CDK14: variants seen among roughly 807,000 people sequenced by gnomAD.
CDK14 encodes the protein cyclin dependent kinase 14, also known as cyclin-dependent kinase 14.
In CDK14, 34 loss-of-function variants were observed where a neutral mutation model predicts 60.7. The observed-to-expected ratio is 0.56, with a 90% CI of 0.43 to 0.75. The LOEUF is 0.75. Ranked by LOEUF, CDK14 falls within the 30% of genes least tolerant of loss-of-function variation. The probability of loss-of-function intolerance (pLI) is 0.00; values close to 1 mark genes in which losing one functional copy is unlikely to be tolerated. For missense variants in CDK14, 482 were observed against 564.1 expected, an observed-to-expected ratio of 0.85 and a Z score of 1.47; for synonymous variants, 197 against 203.7, an observed-to-expected ratio of 0.97 and a Z score of 0.28.
chr7:90,823,810 T>C (rs774106349), intron 5 of CDK14, among the ~76,000 whole-genome samples: 7 of 152,172 alleles, frequency 4.6e-5, no homozygotes, highest in Non-Finnish European at 1.0e-4. Context: ...GTTACTGCCA[T>C]TGTGACATGG....
intron 2 of CDK14, among the ~76,000 whole-genome samples, chr7:90,613,863 G>A (rs1375010552): frequency 6.6e-6 from 1 of 151,992 alleles, no homozygotes; most frequent in Non-Finnish European, 1.5e-5. Flanking sequence ...TATATTGCTG[G>A]GTTGTGATTG....
chr7:90,672,507 T>TC, intron 2 of CDK14, among the ~76,000 whole-genome samples: 1 of 23,442 alleles, frequency 4.3e-5, no homozygotes, highest in Non-Finnish European at 8.0e-5. Context: ...CTTCTGTTTT[T>TC]TTTTTTTTTT....
At chr7:90,919,280 C>G (rs2117425445) in intron 8 of CDK14, among the ~76,000 whole-genome samples, 1 of 152,132 alleles carries the variant, frequency 6.6e-6, no homozygotes, top group Non-Finnish European at 1.5e-5. Flanking sequence ...TTATAAAAAG[C>G]ATTTTTATAA....
intron 8 of CDK14, among the ~76,000 whole-genome samples, chr7:90,939,212 A>T (rs1793841794): frequency 1.3e-5 from 2 of 152,232 alleles, no homozygotes; most frequent in Admixed American, 1.3e-4. Flanking sequence ...ATTGGAGAAG[A>T]TAAAGGTATT....
At chr7:91,071,459 C>G (rs1157577615) in intron 11 of CDK14, among the ~76,000 whole-genome samples, 3 of 152,184 alleles carry the variant, frequency 2.0e-5, no homozygotes, top group African/African-American at 7.2e-5. Flanking sequence ...CCCCCCCAGC[C>G]AAGGGAGGCA....
At chr7:91,026,651 C>T (rs1372991147) in intron 10 of CDK14, among the ~76,000 whole-genome samples, 1 of 152,184 alleles carries the variant, frequency 6.6e-6, no homozygotes, top group East Asian at 1.9e-4. Flanking sequence ...CGTCTCTCCC[C>T]TCCCTCACCA....
At chr7:90,785,330 G>A (rs1263572015) in intron 4 of CDK14, among the ~76,000 whole-genome samples, 1 of 152,140 alleles carries the variant, frequency 6.6e-6, no homozygotes, top group Non-Finnish European at 1.5e-5. Flanking sequence ...TTAATTTGAA[G>A]TAACTAATGG....
intron 7 of CDK14, among the ~76,000 whole-genome samples, chr7:90,903,258 C>T (rs193172976): frequency 1.6e-4 from 25 of 152,084 alleles, no homozygotes; most frequent in Non-Finnish European, 3.5e-4. Context: ...GAAATTTCTG[C>T]ACCACCATGT....
At chr7:90,670,746 C>T (rs1003757265) in intron 2 of CDK14, among the ~76,000 whole-genome samples, 3 of 152,060 alleles carry the variant, frequency 2.0e-5, no homozygotes, top group African/African-American at 7.2e-5. Flanking sequence ...GAATCCACCC[C>T]GCGACCCAAA....
intron 14 of CDK14, among the ~76,000 whole-genome samples, chr7:91,184,627 A>G (rs1802113781): frequency 6.6e-6 from 1 of 152,210 alleles, no homozygotes; most frequent in Admixed American, 6.5e-5. Flanking sequence ...AGTCGCTGAG[A>G]ACAATATTAG....
chr7:90,692,762 T>G (rs1177037685), intron 2 of CDK14: 4 of 630,788 alleles, frequency 6.3e-6, no homozygotes, highest in Admixed American at 6.3e-5. Flanking sequence ...TATTGTTATA[T>G]TTGCTAAAAT....
chr7:90,692,171 C>T (rs1377670768), intron 2 of CDK14, among the ~76,000 whole-genome samples: 1 of 152,128 alleles, frequency 6.6e-6, no homozygotes, highest in Non-Finnish European at 1.5e-5. Context: ...ATTTGACAAC[C>T]AGTATTTCTA....
chr7:91,016,532 A>G (rs769639322), intron 10 of CDK14, among the ~76,000 whole-genome samples: 10 of 152,198 alleles, frequency 6.6e-5, no homozygotes, highest in Non-Finnish European at 1.5e-4. Context: ...AAAGTGAGTT[A>G]TGCATTTTAA....
At chr7:91,045,078 T>C (rs1474996374) in intron 10 of CDK14, among the ~76,000 whole-genome samples, 1 of 152,182 alleles carries the variant, frequency 6.6e-6, no homozygotes, top group Non-Finnish European at 1.5e-5. Context: ...GGATTTGAAC[T>C]CAAGGTGTCT....
In CDK14 at chr7:91,163,709, CT is replaced by C. The variant is rs146448420; in HGVS notation, c.*29-43454del. On this transcript the variant is annotated intron_variant, in intron 14 of 14. Coordinates refer to ENST00000380050, the MANE Select transcript of CDK14 (RefSeq NM_001287135.2). ...GCAGTAGATCTCAAAACTTATTTCT[CT>C]TGTCCAGTTGAAACTTTATACCCTT... is the stretch of plus-strand genomic sequence containing the variant. 2.2e-3 allele frequency among the ~76,000 whole-genome samples: 330 copies of C among 152,242 alleles called. 1 individual carries two copies. The highest frequency in any genetic ancestry group is 3.8e-3 in the Non-Finnish European group (258 of 68,012).
chr7:90,688,492 A>T (rs540005596), intron 2 of CDK14, among the ~76,000 whole-genome samples: 7 of 152,178 alleles, frequency 4.6e-5, no homozygotes, highest in Admixed American at 6.5e-5. Flanking sequence ...TCTCTTTTTT[A>T]AAAAATTGTT....
chr7:90,811,129 G>A (rs1038261689), intron 5 of CDK14, among the ~76,000 whole-genome samples: 2 of 151,998 alleles, frequency 1.3e-5, no homozygotes, highest in African/African-American at 4.8e-5. Context: ...TAAAGTTTAT[G>A]TGGAACCAAA....
chr7:91,134,457 C>G (rs1287364058), intron 14 of CDK14, among the ~76,000 whole-genome samples: 1 of 151,770 alleles, frequency 6.6e-6, no homozygotes, highest in African/African-American at 2.4e-5. Flanking sequence ...GATTCTTGAC[C>G]TTATATATTT....
In CDK14 at chr7:90,909,041, T is replaced by C. The variant is rs116286823; in HGVS notation, c.703-8560T>C. 7.8e-3 allele frequency among the ~76,000 whole-genome samples: 1,189 copies of C among 152,246 alleles called. 12 individuals are homozygous for C. The highest frequency in any genetic ancestry group is 0.026 in the African/African-American group (1,096 of 41,556). On this transcript the variant is annotated intron_variant, in intron 7 of 14. Coordinates refer to ENST00000380050, the MANE Select transcript of CDK14 (RefSeq NM_001287135.2). Reference sequence around the variant, plus strand: ...CTTTAGTCAGAAAAACCATTTAAACTCTGAATATTGATTCGTTTTCATTTT... The same window carrying C: ...CTTTAGTCAGAAAAACCATTTAAACCCTGAATATTGATTCGTTTTCATTTT...
Sources: gnomAD v4.1 joint callset for allele counts (sites outside exome capture counted in the v4.1 genomes callset) on GRCh38, gnomAD v4.1.1 for gene constraint, MANE v1.5 for transcripts, NCBI Gene and HGNC (gene_info 2026-07-23, HGNC 2026-07-21) for gene names.